ZNF37A: variants seen among roughly 807,000 people sequenced by gnomAD.
The protein encoded by ZNF37A is zinc finger protein 37a (KOX 21).
Under a neutral mutation model 12.3 loss-of-function variants are expected in ZNF37A, and 10 were observed. That is an observed-to-expected ratio of 0.82 (90% CI 0.50 to 1.38). The LOEUF is 1.38. ZNF37A is among the 40% of genes most tolerant of loss of function. The probability of loss-of-function intolerance (pLI) is 0.00; values close to 1 mark genes in which losing one functional copy is unlikely to be tolerated. For synonymous variants in ZNF37A, 207 were observed against 223.0 expected, an observed-to-expected ratio of 0.93 and a Z score of 0.64; for missense variants, 580 against 651.2, an observed-to-expected ratio of 0.89 and a Z score of 1.19.
Position 38,117,480 on chromosome 10 carries a change from T to C in ZNF37A, c.329T>C (p.Ile110Thr). 6.2e-7 allele frequency: 1 copy of C among 1,611,952 alleles called. No homozygotes were observed. The highest frequency in any genetic ancestry group is 8.5e-7 in the Non-Finnish European group (1 of 1,179,516). The stretch of plus-strand genomic sequence containing the variant: ...TGTTTCTGTGATGAAAAGCATGAAA[T>C]AATTCATTCTGAAGAGGAACCTTCT... ...GKCFCDEKHE[I>T]IHSEEEPSEY... The change falls in exon 8 of 8, where the codon ATA (isoleucine) becomes ACA (threonine). Residue 110 changes from isoleucine to threonine, a missense_variant. By Grantham distance (89) the Ile-to-Thr change is moderately conservative. Transcript: ENST00000685332.
chr10:38,142,933 A>G (rs1378671463), intron 7 of ZNF37A: 2 of 152,250 alleles, frequency 1.3e-5, no homozygotes, highest in Non-Finnish European at 2.9e-5. Flanking sequence ...GAAAAACTCA[A>G]GAAGGCCAGT....
At chr10:38,137,597 T>A (rs1388185236) in intron 7 of ZNF37A, 1 of 152,226 alleles carries the variant, frequency 6.6e-6, no homozygotes, top group Admixed American at 6.5e-5. Context: ...AGGCCAGGTC[T>A]TTATTGTCTA....
rs145737044 is a variant in ZNF37A at position 38,146,772 on chromosome 10, T to G, written c.279T>G (p.Ile93Met). The G allele has an allele frequency of 2.5e-4, 99 of 398,540 alleles. No homozygotes were observed. The East Asian group carries it at 3.2e-3, about 13-fold the overall frequency. 24.7% of individuals were successfully genotyped at this position (398,540 alleles called of 1,614,324 possible). ...CTTCAGGACCTGGGCCTGCATGGAT[T>G]TGTGCCGAGACCAGCTCGGTCGTGG... Residue 93 changes from isoleucine to methionine, a missense_variant, in exon 8 of 8, where the codon ATT (isoleucine) becomes ATG (methionine). Physicochemically the swap from Ile to Met is conservative, Grantham distance 10. Transcript: ENST00000638053.
chr10:38,127,611 T>TAG (rs970821161), downstream of ZNF37A, among the ~76,000 whole-genome samples: 1 of 152,134 alleles, frequency 6.6e-6, no homozygotes, highest in African/African-American at 2.4e-5. Context: ...ACACCTGGGT[T>TAG]AGAGGCTCTC....
intron 5 of ZNF37A, among the ~76,000 whole-genome samples, chr10:38,112,736 T>TCGGTCTCGGTC (rs1564931750): frequency 5.8e-5 from 1 of 17,108 alleles, no homozygotes; most frequent in Non-Finnish European, 1.2e-4. Context: ...ATCCATTTTC[T>TCGGTCTCGGTC]TTTCTTTTCT....
rs1185535942 is a variant in ZNF37A, at chr10:38,117,440, A to T, written c.289A>T (p.Asn97Tyr). 6.2e-7 allele frequency: 1 copy of T among 1,601,548 alleles called. No homozygotes were observed. Among genetic ancestry groups the T allele is most frequent in the Non-Finnish European group, 8.5e-7 (1 of 1,176,590 alleles). The change falls in exon 8 of 8, where the codon AAC (asparagine) becomes TAC (tyrosine). Residue 97 changes from asparagine to tyrosine, a missense_variant. Physicochemically the swap from Asn to Tyr is moderately radical, Grantham distance 143 (BLOSUM62 -2). Transcript: ENST00000685332. ...NYSIMKFNEF[N>Y]KGGKCFCDEK... ...TTCAATAATGAAGTTCAATGAGTTTAACAAAGGTGGAAAATGTTTCTGTGA... is the reference window on the plus strand; with the variant it reads ...TTCAATAATGAAGTTCAATGAGTTTTACAAAGGTGGAAAATGTTTCTGTGA...
rs1300524287 is a variant in ZNF37A, at chr10:38,120,490, G to A, written c.*1653G>A. The A allele has an allele frequency of 2.0e-5, 3 of 152,052 alleles. No homozygotes were observed. Among genetic ancestry groups the A allele is most frequent in the Admixed American group, 6.6e-5 (1 of 15,248 alleles). The allele number at this position is 152,052 out of a possible 1,614,324, so 9.4% of individuals were successfully genotyped here. ...AGGTATAGTAGTTGGCAGCAGAATGGACCCATTGAGGATAACTATAAAATT... is the reference window on the plus strand; with the variant it reads ...AGGTATAGTAGTTGGCAGCAGAATGAACCCATTGAGGATAACTATAAAATT... On this transcript the variant is annotated 3_prime_UTR_variant, in exon 8 of 8. Transcript: ENST00000685332.
downstream of ZNF37A, among the ~76,000 whole-genome samples, chr10:38,127,507 T>TC (rs1224558563): frequency 6.6e-6 from 1 of 152,204 alleles, no homozygotes; most frequent in South Asian, 2.1e-4. Flanking sequence ...AGATGTGCTT[T>TC]CCTAGTGTTA....
chr10:38,114,638 A>T, intron 5 of ZNF37A, 117 bp from the exon 6 acceptor site: 23 of 1,343,646 alleles, frequency 1.7e-5, no homozygotes, highest in Non-Finnish European at 2.4e-5. Context: ...GGGGCCCTTT[A>T]TAACAGTTTC....
chr10:38,109,042 C>T (rs2505187), intron 5 of ZNF37A, among the ~76,000 whole-genome samples: 62,526 of 151,894 alleles, frequency 0.41, 13,055 homozygotes, highest in East Asian at 0.5. Context: ...AAAGAAAATT[C>T]CAGGCCAATA....
chr10:38,099,256 G>A (rs1298244574), intron 5 of ZNF37A, among the ~76,000 whole-genome samples: 1 of 152,088 alleles, frequency 6.6e-6, no homozygotes, highest in Admixed American at 6.5e-5. Flanking sequence ...TTGAAATTCT[G>A]TACCTATTAA....
In ZNF37A at chr10:38,112,793, T is replaced by TGG. The variant is rs1564932610; in HGVS notation, c.16-1962_16-1961insGG. On this transcript the variant is annotated intron_variant, in intron 5 of 7. Transcript: ENST00000685332. ...TTCTTTTCTTTTCTTTTCTTTTCTT[T>TGG]TCTTGTCTTGTCTTGTCTTCTTTTC... Among the ~76,000 whole-genome samples the TGG allele has an allele frequency of 2.7e-4, 13 of 48,780 alleles. 4 individuals are homozygous for TGG. The highest frequency in any genetic ancestry group is 3.5e-4 in the Non-Finnish European group (8 of 22,544). 32.0% of individuals were successfully genotyped at this position (48,780 alleles called of 152,430 possible). A position where few individuals can be genotyped will look rare whatever the true frequency, so the allele number is the denominator to read the frequency against.
At chr10:38,115,551 TTA>T (rs934966208) in intron 7 of ZNF37A, 3 of 307,230 alleles carry the variant, frequency 9.8e-6, no homozygotes, top group East Asian at 6.8e-5. Flanking sequence ...TAATAAAATT[TTA>T]TATATATATG....
In ZNF37A at chr10:38,132,812, CTT is replaced by C. The variant is rs71007699; in HGVS notation, c.239-13909_239-13908del. On this transcript the variant is annotated intron_variant, in intron 7 of 7. Coordinates refer to the ZNF37A transcript ENST00000638053. ...AGTTGGTTTACTGTATTGTTCAAGT[CTT>C]TTTTTTTTTTAACTTTTCATCTATA... is the stretch of plus-strand genomic sequence containing the variant. Among the ~76,000 whole-genome samples, 1,452 of 147,782 alleles carry C rather than the reference CTT, an allele frequency of 9.8e-3. 24 individuals are homozygous for C. The highest frequency in any genetic ancestry group is 0.052 in the South Asian group (243 of 4,660).
In ZNF37A at chr10:38,122,369, CTT is replaced by C. The variant is rs1402706169; in HGVS notation, c.*3533_*3534del. 1 of 152,122 alleles carries C rather than the reference CTT, an allele frequency of 6.6e-6. No individual in the cohort carries two copies. The highest frequency in any genetic ancestry group is 2.4e-5 in the African/African-American group (1 of 41,442). The allele number at this position is 152,122 out of a possible 1,614,324, so 9.4% of individuals were successfully genotyped here. Reference sequence around the variant, plus strand: ...AAATTTATATGGGAACCACAAAAGACTTAGAATAGTCAGCTATCCTGAGCAAA... The same window carrying C: ...AAATTTATATGGGAACCACAAAAGACAGAATAGTCAGCTATCCTGAGCAAA... On this transcript the variant is annotated 3_prime_UTR_variant, in exon 8 of 8. Coordinates refer to ENST00000685332, the MANE Select transcript of ZNF37A (RefSeq NM_001324250.3).
intron 4 of ZNF37A, among the ~76,000 whole-genome samples, chr10:38,096,289 A>G (rs1334760632): frequency 1.3e-5 from 2 of 152,220 alleles, no homozygotes; most frequent in African/African-American, 4.8e-5. Flanking sequence ...GTTTAGCATC[A>G]GTTTTAATGA....
intron 5 of ZNF37A, among the ~76,000 whole-genome samples, chr10:38,105,369 A>G (rs180835101): frequency 6.6e-6 from 1 of 152,294 alleles, no homozygotes; most frequent in East Asian, 1.9e-4. Context: ...CCCTTAGATC[A>G]CCATTCCTGG....
At chr10:38,134,712 G>A (rs955930143) in intron 7 of ZNF37A, among the ~76,000 whole-genome samples, 3 of 152,164 alleles carry the variant, frequency 2.0e-5, no homozygotes, top group African/African-American at 4.8e-5. Context: ...CTACTGGGAG[G>A]TGCCTCCCAG....
intron 7 of ZNF37A, among the ~76,000 whole-genome samples, chr10:38,134,114 G>A (rs1395198372): frequency 1.3e-5 from 2 of 152,010 alleles, no homozygotes; most frequent in East Asian, 1.9e-4. Flanking sequence ...CATAGTTCTC[G>A]TGCCATGGTT....
Sources: allele counts gnomAD v4.1 joint callset (sites outside exome capture counted in the v4.1 genomes callset), GRCh38; gene constraint gnomAD v4.1.1; transcripts MANE v1.5; gene names NCBI Gene and HGNC (gene_info 2026-07-23, HGNC 2026-07-21).